Variants in AKT1S1 observed in about 807,000 individuals in gnomAD.
AKT1S1 encodes AKT1 substrate 1.
AKT1S1 carries 17 observed loss-of-function variants against 21.2 expected under a neutral mutation model. The observed-to-expected ratio is 0.80, with a 90% confidence interval of 0.55 to 1.20. The LOEUF (loss-of-function observed/expected upper bound fraction) is 1.20, where lower values mean the gene tolerates loss of function less well. Ranked by LOEUF, AKT1S1 falls within the 50% of genes most tolerant of loss-of-function variation. The pLI is 0.00. For synonymous variants in AKT1S1, 181 were observed against 165.6 expected (o/e 1.09, Z -0.72); for missense variants, 366 against 368.3 (o/e 0.99, Z 0.05).
chr19:49,876,310 A>C, intron 1 of AKT1S1: 30 of 1,174,442 alleles, frequency 2.6e-5, no homozygotes, highest in Middle Eastern at 3.4e-4. Flanking sequence ...GGGCGCCCCG[A>C]GGCCCCCCAA....
intron 1 of AKT1S1, chr19:49,876,787 G>A: frequency 9.0e-7 from 1 of 1,112,714 alleles, no homozygotes; most frequent in Non-Finnish European, 1.2e-6. Flanking sequence ...CAAGGGTGAC[G>A]ACAGCTTGCC....
In AKT1S1 at chr19:49,872,381, C is replaced by T. The variant is rs371148468; in HGVS notation, c.380-492G>A. 1.1e-4 allele frequency among the ~76,000 whole-genome samples: 16 copies of T among 152,278 alleles called. No individual in the cohort carries two copies. In the South Asian group the frequency reaches 1.5e-3, roughly 14 times the overall value. Reference sequence around the variant, plus strand: ...ATTGGTAATAACAACAAACAAGGACCTCCTAGTGACTGATCAAACTCCTAC... The same window carrying T: ...ATTGGTAATAACAACAAACAAGGACTTCCTAGTGACTGATCAAACTCCTAC... On this transcript the variant is annotated intron_variant, in intron 2 of 4. Coordinates refer to ENST00000344175, the MANE Select transcript of AKT1S1 (RefSeq NM_001098633.4).
chr19:49,873,415 T>C lies in AKT1S1; in HGVS notation c.-7-113A>G, dbSNP rs1270876213. On this transcript the variant is annotated intron_variant, in intron 1 of 4. Transcript: ENST00000344175. The surrounding 1 kb of genome is among the most constrained non-coding windows in gnomAD (Gnocchi z 6.9). The stretch of plus-strand genomic sequence containing the variant: ...GGCACTCACCACCCTCCACCCACCT[T>C]GTCCCAGCGGTGCTGTGTGTCCTCC... 6 of 1,362,320 alleles carry C rather than the reference T, an allele frequency of 4.4e-6. No individual in the cohort carries two copies. The highest frequency in any genetic ancestry group is 6.3e-5 in the East Asian group (2 of 31,956). The allele number at this position is 1,362,320 out of a possible 1,614,324, so 84.4% of individuals were successfully genotyped here. A position where few individuals can be genotyped will look rare whatever the true frequency, so the allele number is the denominator to read the frequency against.
rs376815969 is a variant in AKT1S1, at chr19:49,871,665, G to T, written c.509C>A (p.Pro170His). The T allele has an allele frequency of 1.2e-4, 195 of 1,613,812 alleles. No homozygotes were observed. The highest frequency in any genetic ancestry group is 1.6e-4 in the Non-Finnish European group (188 of 1,180,020). The change falls in exon 4 of 5, where the codon CCC (proline) becomes CAC (histidine). Residue 170 changes from proline to histidine, a missense_variant. Physicochemically the swap from Pro to His is moderately conservative, Grantham distance 77. Transcript: ENST00000344175. ...CTGTGTGGGTAGGGCTGAGGCTGGG[G>T]GCACTGAGCAGGTGGGGGGGCCGGC... ...TPAGPPTCSV[P>H]PASALPTQQY...
rs1033807142 is a variant in AKT1S1 at position 49,869,766 on chromosome 19, G to A, written c.*151C>T. 1 of 942,234 alleles carries A rather than the reference G, an allele frequency of 1.1e-6. No homozygotes were observed. Among genetic ancestry groups the A allele is most frequent in the East Asian group, 3.3e-5 (1 of 30,570 alleles). The allele number at this position is 942,234 out of a possible 1,614,324, so 58.4% of individuals were successfully genotyped here. Reference sequence around the variant, plus strand: ...CGGCAGGTCGTGGGCTGGAAGGACGGCGGGGATTGGCAGAGGCGGGACAAT... The same window carrying A: ...CGGCAGGTCGTGGGCTGGAAGGACGACGGGGATTGGCAGAGGCGGGACAAT... On this transcript the variant is annotated 3_prime_UTR_variant, in exon 5 of 5. Coordinates refer to ENST00000344175, the MANE Select transcript of AKT1S1 (RefSeq NM_001098633.4).
In AKT1S1 at chr19:49,873,953, T is replaced by G. The variant is rs1267420042; in HGVS notation, c.-7-651A>C. ...CCCAGCCATCCCGTCAAGAGTGTCC[T>G]GCACAAGGCCCAGGGGGTTCCTTCA... is the stretch of plus-strand genomic sequence containing the variant. On this transcript the variant is annotated intron_variant, in intron 1 of 4. Transcript: ENST00000344175. The surrounding 1 kb of genome is among the most constrained non-coding windows in gnomAD (Gnocchi z 6.9). 1 of 152,298 alleles carries G rather than the reference T, an allele frequency of 6.6e-6. No homozygotes were observed. The highest frequency in any genetic ancestry group is 1.5e-5 in the Non-Finnish European group (1 of 68,088). The allele number at this position is 152,298 out of a possible 1,614,324, so 9.4% of individuals were successfully genotyped here. A position where few individuals can be genotyped will look rare whatever the true frequency, so the allele number is the denominator to read the frequency against.
rs2074909125 is a variant in AKT1S1 at position 49,873,484 on chromosome 19, A to G, written c.-7-182T>C. The G allele has an allele frequency of 8.5e-7, 1 of 1,178,554 alleles. No individual in the cohort carries two copies. 73.0% of individuals were successfully genotyped at this position (1,178,554 alleles called of 1,614,324 possible). A position where few individuals can be genotyped will look rare whatever the true frequency, so the allele number is the denominator to read the frequency against. On this transcript the variant is annotated intron_variant, in intron 1 of 4. Coordinates refer to ENST00000344175, the MANE Select transcript of AKT1S1 (RefSeq NM_001098633.4). The surrounding 1 kb of genome is among the most constrained non-coding windows in gnomAD (Gnocchi z 6.9). ...AGGATTCTCACCATCCAGTCCTCGCAGGCCCAGACCCTGGCGACGTCCTCT... is the reference window on the plus strand; with the variant it reads ...AGGATTCTCACCATCCAGTCCTCGCGGGCCCAGACCCTGGCGACGTCCTCT...
At chr19:49,870,344 C>A (rs1395455670) in intron 4 of AKT1S1, among the ~76,000 whole-genome samples, 1 of 152,226 alleles carries the variant, frequency 6.6e-6, no homozygotes, top group Non-Finnish European at 1.5e-5. Flanking sequence ...AGTGCTGTTG[C>A]CTGCTAGCCA....
chr19:49,872,887 C>A, intron 2 of AKT1S1, 30 bp downstream of exon 2: 6 of 1,578,498 alleles, frequency 3.8e-6, no homozygotes, highest in Non-Finnish European at 5.1e-6. Context: ...AAGCGCTGGG[C>A]CGCACCCGCC....
chr19:49,876,097 T>G, intron 1 of AKT1S1: 17 of 986,486 alleles, frequency 1.7e-5, no homozygotes, highest in Non-Finnish European at 2.0e-5. Context: ...CTGTCGAAAT[T>G]TTAGTACCCC....
Position 49,876,997 on chromosome 19 carries a change from G to C in AKT1S1, c.-8+240C>G, listed in dbSNP as rs2074955797. On this transcript the variant is annotated intron_variant, in intron 1 of 4. Transcript: ENST00000344175. ...GCCAACCGGGCTTAATCAGCCCATA[G>C]TGTATATTGGCTCTCCCTCCCTCCA... The C allele has an allele frequency of 1.7e-5, 5 of 291,572 alleles. No homozygotes were observed. The South Asian group carries it at 5.8e-4, about 34-fold the overall frequency. 18.1% of individuals were successfully genotyped at this position (291,572 alleles called of 1,614,324 possible).
chr19:49,874,203 C>G (rs552944286), intron 1 of AKT1S1: 1 of 152,492 alleles, frequency 6.6e-6, no homozygotes, highest in Admixed American at 6.5e-5. Flanking sequence ...TTCCCTCGCC[C>G]ATAGATCCAG....
chr19:49,873,319 G>T lies in AKT1S1; in HGVS notation c.-7-17C>A, dbSNP rs1010710272. ...ATCCGCGCCCTGCGGGCCAGAGCAG[G>T]ACAGAGGGGGCTGAGGCTTGGCGGC... On this transcript the variant is annotated splice_polypyrimidine_tract_variant and intron_variant, in intron 1 of 4. Coordinates refer to ENST00000344175, the MANE Select transcript of AKT1S1 (RefSeq NM_001098633.4). The surrounding 1 kb of genome is among the most constrained non-coding windows in gnomAD (Gnocchi z 6.9). The T allele has an allele frequency of 1.7e-5, 25 of 1,438,520 alleles. No individual in the cohort carries two copies. The highest frequency in any genetic ancestry group is 2.3e-5 in the Non-Finnish European group (25 of 1,107,684). 89.1% of individuals were successfully genotyped at this position (1,438,520 alleles called of 1,614,324 possible).
At chr19:49,876,155 G>C in intron 1 of AKT1S1, 6 of 999,414 alleles carry the variant, frequency 6.0e-6, no homozygotes, top group Non-Finnish European at 7.1e-6. Context: ...TAGCCATGGG[G>C]TGAGCGCCTG....
Position 49,873,365 on chromosome 19 carries a change from C to T in AKT1S1, c.-7-63G>A. The T allele has an allele frequency of 7.2e-7, 1 of 1,386,718 alleles. No homozygotes were observed. The highest frequency in any genetic ancestry group is 3.6e-5 in the Admixed American group (1 of 27,814). 85.9% of individuals were successfully genotyped at this position (1,386,718 alleles called of 1,614,324 possible). ...GCGGCCTACATCATCGCCACCCACT[C>T]AGAGTGCCCGCCCGTCCCCTGGATG... On this transcript the variant is annotated intron_variant, in intron 1 of 4. Transcript: ENST00000344175. This position sits in a 1 kb window ranked among gnomAD's most constrained non-coding sequence, Gnocchi z 6.9.
intron 1 of AKT1S1, chr19:49,876,867 C>A: frequency 8.5e-6 from 4 of 473,086 alleles, no homozygotes; most frequent in East Asian, 3.6e-5. Context: ...CTCATATGCT[C>A]AATCATGACC....
At chr19:49,878,258 C>T, upstream of AKT1S1, 1 of 1,552,626 alleles carries the variant, frequency 6.4e-7, no homozygotes. Flanking sequence ...TGGGAGGGAG[C>T]AGGGCTCGGA....
Position 49,869,994 on chromosome 19 carries a change from C to T in AKT1S1, c.694G>A (p.Asp232Asn), listed in dbSNP as rs1405898720. The change falls in exon 5 of 5, where the codon GAC (aspartate) becomes AAC (asparagine). Residue 232 changes from aspartate (D) to asparagine (N), a missense_variant. Transcript: ENST00000344175. ...MRALVLREAE[D>N]TQVFGDLPRP... ...GGCAGGTCCCCGAAGACCTGGGTGT[C>T]CTCGGCCTCTCGCAGCACCAGCGCG... 1.3e-6 allele frequency: 2 copies of T among 1,547,618 alleles called. No individual in the cohort carries two copies. The highest frequency in any genetic ancestry group is 3.8e-5 in the Admixed American group (2 of 52,624).
chr19:49,876,655 T>C (rs2074949675), intron 1 of AKT1S1: 4 of 1,498,356 alleles, frequency 2.7e-6, no homozygotes, highest in Non-Finnish European at 3.6e-6. Flanking sequence ...TCAAAAGACA[T>C]GGCGGCGCCT....
Sources: allele counts gnomAD v4.1 joint callset (sites outside exome capture counted in the v4.1 genomes callset), GRCh38; gene constraint gnomAD v4.1.1; non-coding constraint Gnocchi (gnomAD v3.1); transcripts MANE v1.5; gene names NCBI Gene and HGNC (gene_info 2026-07-23, HGNC 2026-07-21).